The following KIF13A variants were observed in gnomAD, a reference collection of about 807,000 sequenced individuals.
The protein encoded by KIF13A is kinesin family member 13A, also known as kinesin-like protein KIF13A.
KIF13A carries 79 observed loss-of-function variants against 212.2 expected under a neutral mutation model. That is an observed-to-expected ratio of 0.37 (90% confidence interval 0.31 to 0.45). The LOEUF is 0.45. Among genes scored for constraint, KIF13A ranks in the 20% least tolerant of loss-of-function variants. KIF13A has a pLI of 1.00. For synonymous variants in KIF13A, 789 were observed against 808.6 expected, an observed-to-expected ratio of 0.98 and a Z score of 0.41; for missense variants, 1,901 against 2,209.0, an observed-to-expected ratio of 0.86 and a Z score of 2.79.
chr6:17,789,839 C>A lies in KIF13A; in HGVS notation c.3261+33G>T. The A allele has an allele frequency of 6.3e-7, 1 of 1,596,422 alleles. No individual in the cohort carries two copies. The highest frequency in any genetic ancestry group is 1.1e-5 in the South Asian group (1 of 90,050). ...TGCTGGCAATTAGCAGTAGCTGTGC[C>A]CCATGCCACAGGATTGACAGCAGTA... On this transcript the variant is annotated intron_variant, in intron 26 of 38. Transcript: ENST00000259711. The surrounding 1 kb of genome is among the most constrained non-coding windows in gnomAD (Gnocchi z 4.8).
At chr6:17,761,021 A>T, downstream of KIF13A, 1 of 731,508 alleles carries the variant, frequency 1.4e-6, no homozygotes, top group Non-Finnish European at 2.3e-6. Flanking sequence ...TTATTATGGA[A>T]TCCAGTGCTG....
At chr6:17,980,344 T>G (rs867671917) in intron 2 of KIF13A, among the ~76,000 whole-genome samples, 1 of 152,166 alleles carries the variant, frequency 6.6e-6, no homozygotes, top group Non-Finnish European at 1.5e-5. Context: ...CTTAGGAAAC[T>G]ACTGAAGGAT....
In KIF13A at chr6:17,809,349, G is replaced by A. The variant is rs1291990270; in HGVS notation, c.2001-419C>T. Among the ~76,000 whole-genome samples, 1 of 152,184 alleles carries A rather than the reference G, an allele frequency of 6.6e-6. No homozygotes were observed. Among genetic ancestry groups the A allele is most frequent in the African/African-American group, 2.4e-5 (1 of 41,422 alleles). ...GAAATTATTTTTCATGACTTCTGCAGTTGGCAAAAGGCATGCAATGGTAAG... is the reference window on the plus strand; with the variant it reads ...GAAATTATTTTTCATGACTTCTGCAATTGGCAAAAGGCATGCAATGGTAAG... On this transcript the variant is annotated intron_variant, in intron 17 of 38. Transcript: ENST00000259711. The surrounding 1 kb of genome is among the most constrained non-coding windows in gnomAD (Gnocchi z 4.7).
chr6:17,908,933 A>T (rs765257256), intron 2 of KIF13A, among the ~76,000 whole-genome samples: 1 of 152,154 alleles, frequency 6.6e-6, no homozygotes, highest in Non-Finnish European at 1.5e-5. Flanking sequence ...GCCTTGATCT[A>T]GCCATGTTGA....
chr6:17,966,568 G>A (rs1779334536), intron 2 of KIF13A, among the ~76,000 whole-genome samples: 1 of 150,730 alleles, frequency 6.6e-6, no homozygotes, highest in African/African-American at 2.4e-5. Flanking sequence ...AACAAGAAAG[G>A]AGGGGTGAAT....
chr6:17,834,123 A>T lies in KIF13A; in HGVS notation c.1156-52T>A, dbSNP rs1765714186. On this transcript the variant is annotated intron_variant, in intron 11 of 38. Coordinates refer to ENST00000259711, the MANE Select transcript of KIF13A (RefSeq NM_022113.6). This position sits in a 1 kb window ranked among gnomAD's most constrained non-coding sequence, Gnocchi z 4.0. ...ATGTTCAAAATTTTTCCACCATCAT[A>T]TACAAGACAATCAGTTACTGTCCCT... 7.5e-6 allele frequency: 8 copies of T among 1,070,724 alleles called. No homozygotes were observed. In the East Asian group the frequency reaches 2.0e-4, roughly 27 times the overall value. The allele number at this position is 1,070,724 out of a possible 1,614,324, so 66.3% of individuals were successfully genotyped here. A position where few individuals can be genotyped will look rare whatever the true frequency, so the allele number is the denominator to read the frequency against.
At chr6:17,966,506 A>AC (rs1779327592) in intron 2 of KIF13A, among the ~76,000 whole-genome samples, 2 of 151,012 alleles carry the variant, frequency 1.3e-5, no homozygotes, top group South Asian at 2.1e-4. Flanking sequence ...AAAAAAAAAA[A>AC]AACCCATGAT....
At chr6:17,848,342 G>C (rs1767275678) in intron 9 of KIF13A, among the ~76,000 whole-genome samples, 2 of 151,932 alleles carry the variant, frequency 1.3e-5, no homozygotes, top group Admixed American at 1.3e-4. Flanking sequence ...CAGAAAACTA[G>C]AACTTATTCC....
chr6:17,898,808 G>A lies in KIF13A; in HGVS notation c.147-628C>T, dbSNP rs1200959892. Among the ~76,000 whole-genome samples, 1 of 152,068 alleles carries A rather than the reference G, an allele frequency of 6.6e-6. No individual in the cohort carries two copies. Among genetic ancestry groups the A allele is most frequent in the Non-Finnish European group, 1.5e-5 (1 of 68,014 alleles). ...CTCAGAAATGACTGAAATTGCACCT[G>A]GAAAAAACTCTGAAAAGGAAATAGT... On this transcript the variant is annotated intron_variant, in intron 2 of 38. Transcript: ENST00000259711. The surrounding 1 kb of genome is among the most constrained non-coding windows in gnomAD (Gnocchi z 5.2).
rs1770020849 is a variant in KIF13A at position 17,871,615 on chromosome 6, C to T, written c.220+1762G>A. 6.6e-6 allele frequency among the ~76,000 whole-genome samples: 1 copy of T among 152,086 alleles called. No homozygotes were observed. The highest frequency in any genetic ancestry group is 2.1e-4 in the South Asian group (1 of 4,828). ...TTATATGAGAGGAACCAACAACAGA[C>T]ACTGGGCTGAGGCACTGAATGAGTG... On this transcript the variant is annotated intron_variant, in intron 4 of 38. Coordinates refer to ENST00000259711, the MANE Select transcript of KIF13A (RefSeq NM_022113.6). The surrounding 1 kb of genome is among the most constrained non-coding windows in gnomAD (Gnocchi z 4.4).
chr6:17,765,846 A>T (rs1369774333), intron 38 of KIF13A, among the ~76,000 whole-genome samples: 1 of 152,256 alleles, frequency 6.6e-6, no homozygotes, highest in Non-Finnish European at 1.5e-5. Context: ...GCACCTAATG[A>T]AATCGCAAAT....
chr6:17,776,165 A>G lies in KIF13A; in HGVS notation c.4171-1103T>C, dbSNP rs1759964506. 6.6e-6 allele frequency among the ~76,000 whole-genome samples: 1 copy of G among 152,146 alleles called. No individual in the cohort carries two copies. The highest frequency in any genetic ancestry group is 6.5e-5 in the Admixed American group (1 of 15,268). ...AGTGCTGGGATTATAAGCGTGAGCC[A>G]CCGTGCCCGATCTTCTTTACTTTTT... On this transcript the variant is annotated intron_variant, in intron 34 of 38. Transcript: ENST00000259711. This position sits in a 1 kb window ranked among gnomAD's most constrained non-coding sequence, Gnocchi z 4.6.
At chr6:17,940,048 T>TA (rs56365666) in intron 2 of KIF13A, among the ~76,000 whole-genome samples, 23,894 of 121,754 alleles carry the variant, frequency 0.2, 2,809 homozygotes, top group African/African-American at 0.32. Context: ...TCTCATAAAT[T>TA]AAAAAAAAAA....
chr6:17,985,632 C>CCGGGGGGGGGG (rs112580662), intron 2 of KIF13A, among the ~76,000 whole-genome samples: 6 of 38,182 alleles, frequency 1.6e-4, no homozygotes, highest in Admixed American at 3.2e-4. Flanking sequence ...ATGCAGTTTG[C>CCGGGGGGGGGG]GGGGGGGTGG....
intron 2 of KIF13A, among the ~76,000 whole-genome samples, chr6:17,902,918 T>C (rs935861037): frequency 2.6e-5 from 4 of 152,220 alleles, no homozygotes; most frequent in African/African-American, 9.6e-5. Context: ...GAAATAATTT[T>C]TTTACATTAG....
In KIF13A at chr6:17,834,618, C is replaced by T. The variant is rs927149076; in HGVS notation, c.1156-547G>A. ...AGCTGGCTAAAAAGGCAGTGGTTTC[C>T]CTTCTAGTTTGTTCAGGGAGAGTAA... On this transcript the variant is annotated intron_variant, in intron 11 of 38. Coordinates refer to ENST00000259711, the MANE Select transcript of KIF13A (RefSeq NM_022113.6). The surrounding 1 kb of genome is among the most constrained non-coding windows in gnomAD (Gnocchi z 4.0). Among the ~76,000 whole-genome samples, 1 of 152,208 alleles carries T rather than the reference C, an allele frequency of 6.6e-6. No homozygotes were observed. Among genetic ancestry groups the T allele is most frequent in the Non-Finnish European group, 1.5e-5 (1 of 68,028 alleles).
chr6:17,936,307 G>C (rs549848775), intron 2 of KIF13A: 2 of 155,784 alleles, frequency 1.3e-5, no homozygotes, highest in African/African-American at 4.8e-5. Flanking sequence ...CACCACACCT[G>C]GCTAATTTTT....
Position 17,794,491 on chromosome 6 carries a change from A to C in KIF13A, c.3075+81T>G. 1 of 1,556,462 alleles carries C rather than the reference A, an allele frequency of 6.4e-7. No individual in the cohort carries two copies. Among genetic ancestry groups the C allele is most frequent in the Non-Finnish European group, 8.7e-7 (1 of 1,148,904 alleles). ...AGGATTAGAGAATAAAGATACAAAT[A>C]GTTAGAAAATCCCCAGAAACAATGT... On this transcript the variant is annotated intron_variant, in intron 24 of 38. Coordinates refer to ENST00000259711, the MANE Select transcript of KIF13A (RefSeq NM_022113.6). This position sits in a 1 kb window ranked among gnomAD's most constrained non-coding sequence, Gnocchi z 4.1.
Position 17,912,859 on chromosome 6 carries a change from G to A in KIF13A, c.147-14679C>T, listed in dbSNP as rs1270935700. Among the ~76,000 whole-genome samples, 1 of 152,114 alleles carries A rather than the reference G, an allele frequency of 6.6e-6. No individual in the cohort carries two copies. The highest frequency in any genetic ancestry group is 2.4e-5 in the African/African-American group (1 of 41,424). On this transcript the variant is annotated intron_variant, in intron 2 of 38. Coordinates refer to ENST00000259711, the MANE Select transcript of KIF13A (RefSeq NM_022113.6). This position sits in a 1 kb window ranked among gnomAD's most constrained non-coding sequence, Gnocchi z 4.2. The stretch of plus-strand genomic sequence containing the variant: ...CAAACAGACACTGATGGTAAAAGGA[G>A]AATTTGTTGAGAACATATTTCTATA...
Sources: allele counts gnomAD v4.1 joint callset (sites outside exome capture counted in the v4.1 genomes callset), GRCh38; gene constraint gnomAD v4.1.1; non-coding constraint Gnocchi (gnomAD v3.1); transcripts MANE v1.5; gene names NCBI Gene and HGNC (gene_info 2026-07-23, HGNC 2026-07-21).